The following NAA35 variants were observed in gnomAD, a reference collection of about 807,000 sequenced individuals.
The protein encoded by NAA35 is N-alpha-acetyltransferase 35, NatC auxiliary subunit.
In NAA35, 18 loss-of-function variants were observed where a neutral mutation model predicts 101.7. That is an observed-to-expected ratio of 0.18 (90% CI 0.12 to 0.26). The LOEUF (loss-of-function observed/expected upper bound fraction) is 0.26, where lower values mean the gene tolerates loss of function less well. NAA35 is among the 10% of genes least tolerant of loss of function. The pLI, the probability that NAA35 is intolerant of heterozygous loss-of-function variation, is 1.00. For synonymous variants in NAA35, 267 were observed against 273.1 expected, an observed-to-expected ratio of 0.98 and a Z score of 0.22; for missense variants, 601 against 886.8, an observed-to-expected ratio of 0.68 and a Z score of 4.09.
In NAA35 at chr9:86,018,368, G is replaced by A. The variant is rs774023757; in HGVS notation, c.1887G>A (p.Pro629=). The part of the protein sequence containing the change: ...RFAPFNSVMT[P]PPVHYLQFKE... ...CTCCATTCAACAGTGTGATGACCCC[G>A]CCGCCAGTGCACTACTTACAGTTCA... is the stretch of plus-strand genomic sequence containing the variant. Residue 629 remains proline (P), a synonymous_variant, in exon 20 of 23, where the codon CCG becomes CCA. Transcript: ENST00000361671. 12 of 1,613,258 alleles carry A rather than the reference G, an allele frequency of 7.4e-6. No homozygotes were observed. Among genetic ancestry groups the A allele is most frequent in the Admixed American group, 3.3e-5 (2 of 59,954 alleles).
At chr9:86,020,290 T>C (rs1340649696) in intron 21 of NAA35, among the ~76,000 whole-genome samples, 2 of 152,146 alleles carry the variant, frequency 1.3e-5, no homozygotes, top group Non-Finnish European at 2.9e-5. Flanking sequence ...CTACCTATGA[T>C]GACATATTTC....
At chr9:86,002,330 T>C (rs188033418) in intron 12 of NAA35, among the ~76,000 whole-genome samples, 2 of 152,302 alleles carry the variant, frequency 1.3e-5, no homozygotes. Context: ...GAGGATTTTA[T>C]GTTTTGGGGA....
At chr9:85,970,515 TG>T (rs1359889097) in intron 6 of NAA35, among the ~76,000 whole-genome samples, 1 of 152,196 alleles carries the variant, frequency 6.6e-6, no homozygotes, top group Non-Finnish European at 1.5e-5. Flanking sequence ...CATTAGTAAT[TG>T]GACAGATTGA....
chr9:85,978,422 TC>T (rs1564302878), intron 11 of NAA35, 41 bp downstream of exon 11: 1 of 1,362,774 alleles, frequency 7.3e-7, no homozygotes, highest in Non-Finnish European at 1.1e-6. Context: ...TTTCTTCGTT[TC>T]TATCCAAAAT....
chr9:85,946,085 T>C (rs1181221617), intron 2 of NAA35, among the ~76,000 whole-genome samples: 1 of 152,102 alleles, frequency 6.6e-6, no homozygotes, highest in East Asian at 1.9e-4. Flanking sequence ...TATGTGATTA[T>C]TTTAAGTAAC....
At chr9:85,992,931 C>A (rs1040650950) in intron 11 of NAA35, among the ~76,000 whole-genome samples, 2 of 152,112 alleles carry the variant, frequency 1.3e-5, no homozygotes, top group Non-Finnish European at 2.9e-5. Context: ...GTGCTTGGAA[C>A]TTTTGAGATT....
At chr9:85,967,391 G>A (rs1829795249) in intron 6 of NAA35, among the ~76,000 whole-genome samples, 1 of 151,992 alleles carries the variant, frequency 6.6e-6, no homozygotes, top group South Asian at 2.1e-4. Flanking sequence ...TTGCTTCTGG[G>A]CCAAAAGATT....
At position 86,003,560 on chromosome 9, in the gene NAA35, T is replaced by C. The variant is rs560230958; in HGVS notation, c.1057-25T>C. The stretch of plus-strand genomic sequence containing the variant: ...CTTTTATTTAATCTATTAATGACAT[T>C]GCTTTTTCTTTATATATCTGTTAGG... On this transcript the variant is annotated intron_variant, in intron 12 of 22. Coordinates refer to ENST00000361671, the MANE Select transcript of NAA35 (RefSeq NM_024635.4). The C allele has an allele frequency of 2.7e-6, 4 of 1,467,002 alleles. No homozygotes were observed. In the East Asian group the frequency reaches 9.2e-5, roughly 34 times the overall value. 90.9% of individuals were successfully genotyped at this position (1,467,002 alleles called of 1,614,324 possible). A position where few individuals can be genotyped will look rare whatever the true frequency, so the allele number is the denominator to read the frequency against.
intron 12 of NAA35, among the ~76,000 whole-genome samples, chr9:86,002,446 T>G (rs1388287989): frequency 6.6e-6 from 1 of 152,186 alleles, no homozygotes; most frequent in Non-Finnish European, 1.5e-5. Flanking sequence ...TACCCAGAAA[T>G]ATATTTTCCA....
chr9:85,962,490 CAAA>C (rs781302881), intron 6 of NAA35, among the ~76,000 whole-genome samples: 2 of 85,922 alleles, frequency 2.3e-5, no homozygotes, highest in African/African-American at 4.9e-5. Flanking sequence ...GACTCTGTCT[CAAA>C]AAAAAAAAAA....
In NAA35 at chr9:85,948,021, AAG is replaced by A. The variant is rs1181939039; in HGVS notation, c.124+5739_124+5740del. Among the ~76,000 whole-genome samples, 27 of 152,298 alleles carry A rather than the reference AAG, an allele frequency of 1.8e-4. 1 individual carries two copies. In the East Asian group the frequency reaches 5.2e-3, roughly 29 times the overall value. On this transcript the variant is annotated intron_variant, in intron 2 of 22. Coordinates refer to ENST00000361671, the MANE Select transcript of NAA35 (RefSeq NM_024635.4). ...ATCTTAGGAGCTTTAGTTAATGAAAAAGGAGTTTCTAGAAGACACTGCGTTCC... is the reference window on the plus strand; with the variant it reads ...ATCTTAGGAGCTTTAGTTAATGAAAAGAGTTTCTAGAAGACACTGCGTTCC...
At chr9:85,985,203 A>G (rs1294416712) in intron 11 of NAA35, among the ~76,000 whole-genome samples, 2 of 152,252 alleles carry the variant, frequency 1.3e-5, no homozygotes, top group African/African-American at 2.4e-5. Flanking sequence ...TGATTGGAAT[A>G]TAAAATGATA....
At chr9:85,960,380 T>C (rs1829463192) in intron 5 of NAA35, among the ~76,000 whole-genome samples, 1 of 152,200 alleles carries the variant, frequency 6.6e-6, no homozygotes. Context: ...CGCCCCACTT[T>C]CTGACCATCC....
At chr9:85,977,716 T>A (rs1217418432) in intron 10 of NAA35, among the ~76,000 whole-genome samples, 2 of 152,206 alleles carry the variant, frequency 1.3e-5, no homozygotes, top group Non-Finnish European at 2.9e-5. Context: ...AAGGAGAAAG[T>A]AAAATTTTAG....
At chr9:86,010,637 C>A (rs1467362104) in intron 15 of NAA35, among the ~76,000 whole-genome samples, 1 of 144,534 alleles carries the variant, frequency 6.9e-6, no homozygotes, top group Non-Finnish European at 1.5e-5. Context: ...TGCAGTGGCG[C>A]AATCTTGGCT....
intron 11 of NAA35, among the ~76,000 whole-genome samples, chr9:85,989,042 T>C (rs907105018): frequency 1.3e-5 from 2 of 152,210 alleles, no homozygotes; most frequent in Non-Finnish European, 2.9e-5. Flanking sequence ...CCAGGATAAA[T>C]TGATAAAGAA....
chr9:85,942,410 C>T (rs1828564407), intron 2 of NAA35, 127 bp downstream of exon 2: 2 of 1,261,998 alleles, frequency 1.6e-6, no homozygotes, highest in South Asian at 2.9e-5. Context: ...GTTAGCCACA[C>T]TTATTCTGTA....
intron 22 of NAA35, 51 bp downstream of exon 22, chr9:86,021,020 A>G (rs748130945): frequency 6.6e-6 from 9 of 1,369,314 alleles, no homozygotes; most frequent in Non-Finnish European, 9.2e-6. Context: ...GTGAAGTTTC[A>G]TAAGTTTTGC....
chr9:86,016,447 G>A, intron 17 of NAA35, 92 bp from the exon 18 acceptor site: 1 of 1,091,434 alleles, frequency 9.2e-7, no homozygotes, highest in South Asian at 1.6e-5. Flanking sequence ...AAGACCTAAA[G>A]CATTATTTGA....
Sources: allele counts gnomAD v4.1 joint callset (sites outside exome capture counted in the v4.1 genomes callset), GRCh38; gene constraint gnomAD v4.1.1; transcripts MANE v1.5; gene names NCBI Gene and HGNC (gene_info 2026-07-23, HGNC 2026-07-21).